Variants in AKAP9 observed in about 807,000 individuals in gnomAD.
The protein encoded by AKAP9 is A-kinase anchoring protein 9, also known as A-kinase anchor protein 9.
Under a neutral mutation model 488.5 loss-of-function variants are expected in AKAP9, and 311 were observed. That is an observed-to-expected ratio of 0.64 (90% CI 0.58 to 0.70). The LOEUF (loss-of-function observed/expected upper bound fraction) is 0.70, where lower values mean the gene tolerates loss of function less well. Ranked by LOEUF, AKAP9 falls within the 30% of genes least tolerant of loss-of-function variation. AKAP9 has a pLI of 0.00. For synonymous variants in AKAP9, 1,462 were observed against 1,483.5 expected (o/e 0.99, Z 0.33); for missense variants, 4,215 against 4,374.5 (o/e 0.96, Z 1.03).
rs1216570039 is a variant in AKAP9 at position 92,079,088 on chromosome 7, G to C, written c.6955G>C (p.Glu2319Gln). The C allele has an allele frequency of 6.2e-7, 1 of 1,601,334 alleles. No individual in the cohort carries two copies. The highest frequency in any genetic ancestry group is 1.1e-5 in the South Asian group (1 of 88,026). ...KITTDNKVIEEKNELIRDLET... is the reference protein window; with the variant it reads ...KITTDNKVIEQKNELIRDLET... ...TTTCATTAATTATTAGGTTATTGAA[G>C]AAAAAAATGAACTGATAAGGGATCT... The change falls in exon 31 of 50, where the codon GAA (glutamate) becomes CAA (glutamine). Residue 2319 changes from glutamate (E) to glutamine (Q), a missense_variant. Physicochemically the swap from Glu to Gln is conservative, Grantham distance 29. Transcript: ENST00000356239.
At position 91,998,418 on chromosome 7, in the gene AKAP9, C is replaced by CTTTTTTTTTTTTTT. The variant is rs60778133; in HGVS notation, c.931-2406_931-2393dup. Among the ~76,000 whole-genome samples the CTTTTTTTTTTTTTT allele has an allele frequency of 2.8e-4, 15 of 53,962 alleles. 4 individuals are homozygous for CTTTTTTTTTTTTTT. The highest frequency in any genetic ancestry group is 5.6e-4 in the Non-Finnish European group (14 of 25,222). The allele number at this position is 53,962 out of a possible 152,430, so 35.4% of individuals were successfully genotyped here. ...AGATAGTGTATTCAACCACAGGGCT[C>CTTTTTTTTTTTTTT]TTTTTTTTTTTTTTTTTTTTTTTTT... On this transcript the variant is annotated intron_variant, in intron 7 of 49. Coordinates refer to ENST00000356239, the MANE Select transcript of AKAP9 (RefSeq NM_005751.5).
In AKAP9 at chr7:92,070,068, C is replaced by T. The variant is rs1479265379; in HGVS notation, c.6369C>T (p.Asp2123=). The change falls in exon 27 of 50, where the codon GAC becomes GAT. Residue 2123 remains aspartate, a synonymous_variant. Coordinates refer to ENST00000356239, the MANE Select transcript of AKAP9 (RefSeq NM_005751.5). ...CAAATCATCTGAAAGAAAAAACAGA[C>T]AAATGCAGTGAGCTTTTGCTCTCTA... ...QLANHLKEKT[D]KCSELLLSKE... The T allele has an allele frequency of 3.7e-6, 6 of 1,613,544 alleles. No individual in the cohort carries two copies. In the East Asian group the frequency reaches 1.1e-4, roughly 30 times the overall value.
intron 40 of AKAP9, 74 bp from the exon 41 acceptor site, chr7:92,096,615 G>T: frequency 6.3e-7 from 1 of 1,575,232 alleles, no homozygotes; most frequent in Non-Finnish European, 8.6e-7. Flanking sequence ...GGGATTACAG[G>T]CGTGAGCCAC....
rs532671222 is a variant in AKAP9 at position 91,989,709 on chromosome 7, A to G, written c.352-2449A>G. ...TTACTTGACTGCAACTCCATAAGTC[A>G]TTTAGGCACATTGAACTCTTATAAT... On this transcript the variant is annotated intron_variant, in intron 3 of 49. Transcript: ENST00000356239. Among the ~76,000 whole-genome samples the G allele has an allele frequency of 8.3e-4, 126 of 152,170 alleles. 1 individual carries two copies. Among genetic ancestry groups the G allele is most frequent in the Non-Finnish European group, 5.0e-4 (34 of 67,900 alleles).
In AKAP9 at chr7:92,040,777, A is replaced by G. The variant is rs748006421; in HGVS notation, c.4796A>G (p.Gln1599Arg). The change falls in exon 18 of 50, where the codon CAA (glutamine) becomes CGA (arginine). Residue 1599 changes from glutamine to arginine, a missense_variant. Gln to Arg is a conservative substitution (Grantham distance 43). This residue lies in a region of AKAP9 where 2,361 missense variants were observed against 2,430.0 expected (regional missense o/e 0.97). Coordinates refer to ENST00000356239, the MANE Select transcript of AKAP9 (RefSeq NM_005751.5). ...DMRQELVRQY[Q>R]EHQQATELLR... ...AGACAGGAACTTGTACGACAATACC[A>G]AGAACATCAACAGGCAACGGAATTG... is the stretch of plus-strand genomic sequence containing the variant. 1.9e-6 allele frequency: 3 copies of G among 1,614,044 alleles called. No individual in the cohort carries two copies. Among genetic ancestry groups the G allele is most frequent in the African/African-American group, 2.7e-5 (2 of 75,022 alleles).
intron 24 of AKAP9, among the ~76,000 whole-genome samples, chr7:92,063,704 G>A (rs1490709413): frequency 6.6e-6 from 1 of 152,122 alleles, no homozygotes; most frequent in African/African-American, 2.4e-5. Flanking sequence ...TAACATCTGA[G>A]ATTCATACTG....
chr7:92,068,804 A>T (rs1311783022), intron 26 of AKAP9, among the ~76,000 whole-genome samples: 1 of 152,070 alleles, frequency 6.6e-6, no homozygotes, highest in Non-Finnish European at 1.5e-5. Flanking sequence ...AATTATAGTT[A>T]AGCTTGCATT....
chr7:92,028,185 A>G (rs1228377457), intron 14 of AKAP9, among the ~76,000 whole-genome samples: 1 of 151,214 alleles, frequency 6.6e-6, no homozygotes, highest in African/African-American at 2.4e-5. Flanking sequence ...GCCTAGGAAA[A>G]CCAGAGACCT....
chr7:91,996,143 G>C, intron 7 of AKAP9: 1 of 277,536 alleles, frequency 3.6e-6, no homozygotes, highest in Non-Finnish European at 6.7e-6. Flanking sequence ...AAATTTTATG[G>C]ATTTTAATGA....
At chr7:92,103,564 G>A (rs1201272051) in intron 46 of AKAP9, among the ~76,000 whole-genome samples, 3 of 149,848 alleles carry the variant, frequency 2.0e-5, no homozygotes, top group Non-Finnish European at 3.0e-5. Flanking sequence ...GCGTGGTGGC[G>A]GGTGCCTGTA....
chr7:91,983,089 C>T (rs1796638462), intron 3 of AKAP9, among the ~76,000 whole-genome samples: 1 of 151,632 alleles, frequency 6.6e-6, no homozygotes, highest in Admixed American at 6.6e-5. Flanking sequence ...TTCTAGGGTA[C>T]ATGTGCACAA....
At chr7:91,970,680 T>C (rs1241002027) in intron 1 of AKAP9, among the ~76,000 whole-genome samples, 10 of 152,204 alleles carry the variant, frequency 6.6e-5, no homozygotes, top group Non-Finnish European at 1.3e-4. Context: ...CTTCCTCCTG[T>C]ATGACCTGTA....
chr7:92,070,320 T>A, intron 27 of AKAP9, 114 bp downstream of exon 27: 1 of 1,177,030 alleles, frequency 8.5e-7, no homozygotes, highest in Non-Finnish European at 1.3e-6. Flanking sequence ...GTTGACATTG[T>A]AACCATTTCT....
chr7:91,973,943 G>C lies in AKAP9; in HGVS notation c.281G>C (p.Ser94Thr), dbSNP rs571281120. Reference protein sequence around the residue: ...MRTLHSGEITSHEQGFSVELE... With the variant: ...MRTLHSGEITTHEQGFSVELE... ...ACTCTACATAGTGGAGAAATAACCA[G>C]TCATGAGCAGGGCTTCTCTGTGGAA... Residue 94 changes from serine (S) to threonine (T), a missense_variant, in exon 2 of 50, where the codon AGT becomes ACT. Physicochemically the swap from Ser to Thr is moderately conservative, Grantham distance 58. Transcript: ENST00000356239. The C allele has an allele frequency of 1.9e-6, 3 of 1,613,900 alleles. No individual in the cohort carries two copies. The highest frequency in any genetic ancestry group is 2.5e-6 in the Non-Finnish European group (3 of 1,179,934).
intron 2 of AKAP9, among the ~76,000 whole-genome samples, chr7:91,979,440 C>T (rs887818270): frequency 4.6e-5 from 7 of 152,128 alleles, no homozygotes; most frequent in African/African-American, 1.7e-4. Flanking sequence ...CACCAGGTCT[C>T]TCCCAAAACA....
intron 7 of AKAP9, among the ~76,000 whole-genome samples, chr7:91,997,830 T>G (rs571239992): frequency 8.1e-4 from 123 of 152,318 alleles, no homozygotes; most frequent in Non-Finnish European, 1.3e-3. Context: ...AATACTTTTA[T>G]CAATCTGTTT....
intron 47 of AKAP9, among the ~76,000 whole-genome samples, chr7:92,106,855 T>G (rs1227705843): frequency 6.6e-6 from 1 of 152,208 alleles, no homozygotes; most frequent in Admixed American, 6.5e-5. Context: ...AGCTGAAATT[T>G]GTACCATAAT....
In AKAP9 at chr7:91,941,007, G is replaced by A; in HGVS notation, c.-93G>A. The A allele has an allele frequency of 1.5e-6, 2 of 1,331,220 alleles. No individual in the cohort carries two copies. Among genetic ancestry groups the A allele is most frequent in the Non-Finnish European group, 2.2e-6 (2 of 922,218 alleles). 82.5% of individuals were successfully genotyped at this position (1,331,220 alleles called of 1,614,324 possible). ...CCGAATCGGCTCTCTAGGCCGTGGA[G>A]CTTGCCGTCCCACCTCCGTCCAAAT... On this transcript the variant is annotated 5_prime_UTR_variant, in exon 1 of 50. Transcript: ENST00000356239.
chr7:92,080,647 GT>G (rs1813387158), intron 31 of AKAP9, among the ~76,000 whole-genome samples: 2 of 151,974 alleles, frequency 1.3e-5, no homozygotes. Flanking sequence ...ATTTACGAGA[GT>G]TTATTTGAAC....
Sources: gnomAD v4.1 joint callset for allele counts (sites outside exome capture counted in the v4.1 genomes callset) on GRCh38, gnomAD v4.1.1 for gene constraint, gnomAD v4.1.1 regional missense constraint, MANE v1.5 for transcripts, NCBI Gene and HGNC (gene_info 2026-07-23, HGNC 2026-07-21) for gene names.